Variants in TRPC5 observed in about 807,000 individuals in gnomAD.
TRPC5 encodes the protein short transient receptor potential channel 5.
TRPC5 carries 9 observed loss-of-function variants against 56.5 expected under a neutral mutation model. The ratio of observed to expected loss-of-function variants is 0.16; its 90% CI spans 0.10 to 0.28. TRPC5 has a LOEUF of 0.28. Among genes scored for constraint, TRPC5 ranks in the 10% least tolerant of loss-of-function variants. TRPC5 has a pLI of 1.00. For missense variants in TRPC5, 469 were observed against 748.9 expected (o/e 0.63, Z 4.36); for synonymous variants, 282 against 278.5 (o/e 1.01, Z -0.13).
chrX:112,008,467 G>A (rs1240893918), intron 1 of TRPC5, among the ~76,000 whole-genome samples: 5 of 110,114 alleles, frequency 4.5e-5, no homozygotes, highest in Non-Finnish European at 9.5e-5. Context: ...AGGTGCGGTG[G>A]TGGGTGCCTG....
At chrX:111,938,759 C>T (rs142283390) in intron 2 of TRPC5, among the ~76,000 whole-genome samples, 5,518 of 111,947 alleles carry the variant, frequency 0.049, 123 homozygotes, top group Non-Finnish European at 0.074. Context: ...CAGTATTTTA[C>T]TGAGGATTTT....
chrX:111,838,089 ATAAAT>A (rs1397643898), intron 6 of TRPC5, among the ~76,000 whole-genome samples: 4 of 107,331 alleles, frequency 3.7e-5, no homozygotes, highest in African/African-American at 1.4e-4. Flanking sequence ...ATATGAGTAA[ATAAAT>A]AAATAATAAA....
intron 3 of TRPC5, chrX:111,896,387 G>A (rs1399210530): frequency 9.2e-6 from 1 of 109,213 alleles, no homozygotes; most frequent in Non-Finnish European, 1.9e-5. Flanking sequence ...GGGCGGGTGT[G>A]GTTTTTTTTG....
intron 2 of TRPC5, among the ~76,000 whole-genome samples, chrX:111,916,113 A>G (rs1454495222): frequency 2.7e-5 from 3 of 111,554 alleles, no homozygotes; most frequent in Non-Finnish European, 5.6e-5. Context: ...TGGGCAACAG[A>G]GTGATACCCT....
At chrX:111,897,460 C>T (rs1436570495) in intron 3 of TRPC5, among the ~76,000 whole-genome samples, 1 of 111,134 alleles carries the variant, frequency 9.0e-6, no homozygotes, top group Non-Finnish European at 1.9e-5. Flanking sequence ...CACACGCATT[C>T]TCCTGTGTAA....
chrX:111,875,368 G>T (rs762300537), intron 3 of TRPC5, among the ~76,000 whole-genome samples: 3 of 110,558 alleles, frequency 2.7e-5, no homozygotes, highest in Non-Finnish European at 5.7e-5. Context: ...GAAGTTTAGG[G>T]CCAGAGGTAG....
At chrX:111,955,944 C>T (rs779527808) in intron 1 of TRPC5, among the ~76,000 whole-genome samples, 4 of 112,442 alleles carry the variant, frequency 3.6e-5, no homozygotes, top group Non-Finnish European at 3.8e-5. Flanking sequence ...TGAACCCGCT[C>T]GCAATGTAGT....
chrX:111,944,267 A>AGTATGTGT (rs773983065), intron 2 of TRPC5, among the ~76,000 whole-genome samples: 2,207 of 71,650 alleles, frequency 0.031, 56 homozygotes, highest in African/African-American at 0.077. Context: ...GGAGTAGAAG[A>AGTATGTGT]GTGTGTGTGT....
At chrX:111,933,544 A>G (rs1171377063) in intron 2 of TRPC5, among the ~76,000 whole-genome samples, 1 of 111,371 alleles carries the variant, frequency 9.0e-6, no homozygotes, top group Non-Finnish European at 1.9e-5. Context: ...GATGGTAACC[A>G]TGAAGAAAGA....
chrX:111,959,849 C>T (rs745773020), intron 1 of TRPC5, among the ~76,000 whole-genome samples: 12 of 111,371 alleles, frequency 1.1e-4, no homozygotes, highest in South Asian at 3.8e-4. Flanking sequence ...ACCTAACATG[C>T]AGCCAGGATG....
chrX:111,827,703 A>C (rs1347619208), intron 7 of TRPC5, among the ~76,000 whole-genome samples: 2 of 111,851 alleles, frequency 1.8e-5, no homozygotes, highest in Non-Finnish European at 1.9e-5. Flanking sequence ...GGGTTAGTGC[A>C]ATGGTCTCAT....
At chrX:111,816,451 G>A (rs1158924374) in intron 7 of TRPC5, among the ~76,000 whole-genome samples, 7 of 112,098 alleles carry the variant, frequency 6.2e-5, no homozygotes, top group Non-Finnish European at 9.4e-5. Flanking sequence ...ATTGGTGAGA[G>A]CACAGGATCC....
rs1945864533 is a variant in TRPC5, at chrX:111,774,706, T to C, written c.*1607A>G. On this transcript the variant is annotated 3_prime_UTR_variant, in exon 11 of 11. Transcript: ENST00000262839. ...ATTCAAATAACAGAAACCACACTTA[T>C]CAAAAGCTAGTTTGGAGGCATATTT... The C allele has an allele frequency of 9.0e-6, 1 of 111,403 alleles. No individual in the cohort carries two copies. The highest frequency in any genetic ancestry group is 1.9e-5 in the Non-Finnish European group (1 of 53,056). 9.2% of individuals were successfully genotyped at this position (111,403 alleles called of 1,213,427 possible). A position where few individuals can be genotyped will look rare whatever the true frequency, so the allele number is the denominator to read the frequency against.
intron 1 of TRPC5, among the ~76,000 whole-genome samples, chrX:112,031,782 T>A (rs774911205): frequency 2.1e-4 from 23 of 109,643 alleles, no homozygotes; most frequent in African/African-American, 6.9e-4. Flanking sequence ...TGTATCTGAC[T>A]TCTTTTACTT....
intron 2 of TRPC5, among the ~76,000 whole-genome samples, chrX:111,944,373 T>A (rs1163371951): frequency 9.6e-6 from 1 of 103,774 alleles, no homozygotes; most frequent in Non-Finnish European, 2.0e-5. Context: ...AACCTGCACT[T>A]AAACTAGGGA....
At chrX:111,826,806 G>A (rs1189527595) in intron 7 of TRPC5, among the ~76,000 whole-genome samples, 1 of 112,070 alleles carries the variant, frequency 8.9e-6, no homozygotes, top group African/African-American at 3.2e-5. Context: ...AAGCATCAGT[G>A]ATTCTTATCC....
At chrX:111,796,880 T>A (rs894845110) in intron 7 of TRPC5, among the ~76,000 whole-genome samples, 1 of 112,243 alleles carries the variant, frequency 8.9e-6, no homozygotes, top group African/African-American at 3.2e-5. Context: ...GTTACCAATG[T>A]TTTCCTTTAC....
chrX:111,813,702 G>C (rs1353151435), intron 7 of TRPC5, among the ~76,000 whole-genome samples: 1 of 112,365 alleles, frequency 8.9e-6, no homozygotes, highest in African/African-American at 3.2e-5. Context: ...AAGGAGAAAG[G>C]CTGCTCCTAG....
At chrX:111,859,963 C>T (rs1299812887) in intron 3 of TRPC5, among the ~76,000 whole-genome samples, 1 of 113,151 alleles carries the variant, frequency 8.8e-6, no homozygotes, top group East Asian at 2.8e-4. Flanking sequence ...GGCTGGAGTG[C>T]AGGGGCGAGA....
Sources: allele counts gnomAD v4.1 joint callset (sites outside exome capture counted in the v4.1 genomes callset), GRCh38; gene constraint gnomAD v4.1.1; transcripts MANE v1.5; gene names NCBI Gene and HGNC (gene_info 2026-07-23, HGNC 2026-07-21).